The following SPTBN1 variants were observed in gnomAD, a reference collection of about 807,000 sequenced individuals.
SPTBN1 encodes spectrin beta, non-erythrocytic 1.
SPTBN1 carries 32 observed loss-of-function variants against 266.4 expected under a neutral mutation model. The observed-to-expected ratio is 0.12, with a 90% CI of 0.09 to 0.16. The LOEUF (loss-of-function observed/expected upper bound fraction) is 0.16. Among genes scored for constraint, SPTBN1 ranks in the 10% least tolerant of loss-of-function variants. SPTBN1 has a pLI of 1.00. For missense variants in SPTBN1, 2,296 were observed against 3,067.1 expected, an observed-to-expected ratio of 0.75 and a Z score of 5.94; for synonymous variants, 1,336 against 1,162.2, an observed-to-expected ratio of 1.15 and a Z score of -3.04.
At chr2:54,656,036 C>T (rs1680629680) in intron 29 of SPTBN1, 38 bp downstream of exon 29, 1 of 1,515,712 alleles carries the variant, frequency 6.6e-7, no homozygotes, top group Non-Finnish European at 9.1e-7. Context: ...TTTTGGGTAT[C>T]AATGGAAAAC....
chr2:54,659,709 T>C (rs1680909763), intron 31 of SPTBN1, among the ~76,000 whole-genome samples: 1 of 152,212 alleles, frequency 6.6e-6, no homozygotes. Context: ...CAACCTCTAA[T>C]GCTGCCTTTA....
chr2:54,595,671 A>G (rs1048564906), intron 2 of SPTBN1, among the ~76,000 whole-genome samples: 2 of 152,220 alleles, frequency 1.3e-5, no homozygotes, highest in Non-Finnish European at 2.9e-5. Context: ...CCTGCAGGTC[A>G]TCAAAGAGAA....
At chr2:54,529,067 G>A (rs541121007) in intron 2 of SPTBN1, among the ~76,000 whole-genome samples, 1 of 152,328 alleles carries the variant, frequency 6.6e-6, no homozygotes, top group East Asian at 1.9e-4. Flanking sequence ...AGTAGTGTCT[G>A]GAATAGAACA....
chr2:54,654,066 T>A (rs1465718715), intron 27 of SPTBN1, among the ~76,000 whole-genome samples: 1 of 152,150 alleles, frequency 6.6e-6, no homozygotes, highest in Non-Finnish European at 1.5e-5. Flanking sequence ...AGCCTGGGGT[T>A]ATCAAAGCCT....
rs1248553406 is a variant in SPTBN1 at position 54,629,766 on chromosome 2, C to A, written c.2632C>A (p.Pro878Thr). The change falls in exon 14 of 36, where the codon CCA (proline) becomes ACA (threonine). Residue 878 changes from proline to threonine, a missense_variant. This residue lies in a region of SPTBN1 where 434 missense variants were observed against 573.9 expected (regional missense o/e 0.76). Transcript: ENST00000356805. Reference protein sequence around the residue: ...KEQWLNNMQIPEKLEDLEVIQ... With the variant: ...KEQWLNNMQITEKLEDLEVIQ... Reference sequence around the variant, plus strand: ...GCAGTGGCTCAACAACATGCAGATCCCAGAGAAGCTGGAGGATCTGGAGGT... The same window carrying A: ...GCAGTGGCTCAACAACATGCAGATCACAGAGAAGCTGGAGGATCTGGAGGT... The A allele has an allele frequency of 6.2e-7, 1 of 1,610,656 alleles. No individual in the cohort carries two copies. The highest frequency in any genetic ancestry group is 8.5e-7 in the Non-Finnish European group (1 of 1,179,762).
intron 1 of SPTBN1, among the ~76,000 whole-genome samples, chr2:54,494,006 A>G (rs1668830572): frequency 1.3e-5 from 2 of 152,216 alleles, no homozygotes; most frequent in African/African-American, 4.8e-5. Flanking sequence ...TCACAGTGTC[A>G]TGCTCTTTCT....
intron 1 of SPTBN1, among the ~76,000 whole-genome samples, chr2:54,463,922 T>C (rs780783235): frequency 1.3e-5 from 2 of 152,218 alleles, no homozygotes; most frequent in Non-Finnish European, 2.9e-5. Context: ...GGAAATGATA[T>C]GAGCAGATAG....
intron 6 of SPTBN1, 108 bp downstream of exon 6, chr2:54,617,796 G>A (rs1175253205): frequency 4.6e-6 from 5 of 1,082,554 alleles, no homozygotes; most frequent in Non-Finnish European, 2.7e-6. Flanking sequence ...GTCTCACCGT[G>A]GTGGAAATTT....
intron 1 of SPTBN1, among the ~76,000 whole-genome samples, chr2:54,483,486 G>A (rs1668199742): frequency 6.6e-6 from 1 of 152,166 alleles, no homozygotes; most frequent in Admixed American, 6.5e-5. Flanking sequence ...TCCTGCAGGC[G>A]TGAGAAACCC....
chr2:54,578,073 T>C (rs923125300), intron 2 of SPTBN1, among the ~76,000 whole-genome samples: 6 of 152,234 alleles, frequency 3.9e-5, no homozygotes, highest in African/African-American at 1.4e-4. Context: ...AGGACTCAGC[T>C]GACAGTACAG....
At chr2:54,661,180 A>G in intron 32 of SPTBN1, 1 of 985,522 alleles carries the variant, frequency 1.0e-6, no homozygotes, top group Non-Finnish European at 1.2e-6. Context: ...AGCTTTTAGG[A>G]TGGTATCTAT....
intron 15 of SPTBN1, among the ~76,000 whole-genome samples, 185 bp downstream of exon 15, chr2:54,630,214 A>G (rs1678641113): frequency 1.3e-5 from 2 of 152,208 alleles, no homozygotes; most frequent in Admixed American, 6.5e-5. Context: ...TCTCAGGGCA[A>G]CATCATTGGT....
intron 1 of SPTBN1, among the ~76,000 whole-genome samples, chr2:54,519,023 T>G (rs1670273606): frequency 6.8e-6 from 1 of 148,038 alleles, no homozygotes; most frequent in African/African-American, 2.5e-5. Context: ...TTTTAAAAAA[T>G]GTGACTTCCT....
In SPTBN1 at chr2:54,671,061, G is replaced by A; in HGVS notation, c.*2492G>A. ...ACCCTGATTTTCAGTGATACAATAT[G>A]GGTGACAATACTGGCCCCTCCATAA... On this transcript the variant is annotated 3_prime_UTR_variant, in exon 36 of 36. Transcript: ENST00000356805. The A allele has an allele frequency of 2.8e-6, 1 of 358,634 alleles. No homozygotes were observed. The allele number at this position is 358,634 out of a possible 1,614,324, so 22.2% of individuals were successfully genotyped here. A position where few individuals can be genotyped will look rare whatever the true frequency, so the allele number is the denominator to read the frequency against.
chr2:54,535,037 T>C (rs890339733), intron 2 of SPTBN1: 3 of 152,252 alleles, frequency 2.0e-5, no homozygotes, highest in African/African-American at 4.8e-5. Context: ...GTCACTCACT[T>C]ACTTTTGAGG....
chr2:54,513,296 T>C, intron 1 of SPTBN1, among the ~76,000 whole-genome samples: 1 of 152,158 alleles, frequency 6.6e-6, no homozygotes, highest in East Asian at 1.9e-4. Context: ...TAGTATAGTG[T>C]TGGTTTTCAG....
intron 1 of SPTBN1, among the ~76,000 whole-genome samples, chr2:54,475,743 G>C (rs954163385): frequency 1.3e-5 from 2 of 152,124 alleles, no homozygotes; most frequent in Non-Finnish European, 2.9e-5. Context: ...TTAGTGAAAA[G>C]AATACAGCCA....
intron 1 of SPTBN1, chr2:54,516,191 C>T (rs1299724783): frequency 6.6e-6 from 1 of 152,106 alleles, no homozygotes; most frequent in Non-Finnish European, 1.5e-5. Flanking sequence ...TGGTTCAAGT[C>T]CTCTTGGTTT....
intron 1 of SPTBN1, among the ~76,000 whole-genome samples, chr2:54,484,484 A>G (rs1209969480): frequency 6.6e-6 from 1 of 152,168 alleles, no homozygotes; most frequent in Non-Finnish European, 1.5e-5. Context: ...AAGCTCAGAG[A>G]GCAAGGTAGG....
Sources: allele counts gnomAD v4.1 joint callset (sites outside exome capture counted in the v4.1 genomes callset), GRCh38; gene constraint gnomAD v4.1.1; regional missense constraint gnomAD v4.1.1; transcripts MANE v1.5; gene names NCBI Gene and HGNC (gene_info 2026-07-23, HGNC 2026-07-21).